The following PRKCE variants were observed in gnomAD, a reference collection of about 807,000 sequenced individuals.
The protein encoded by PRKCE is protein kinase C epsilon type.
PRKCE carries 16 observed loss-of-function variants against 85.4 expected under a neutral mutation model. The observed-to-expected ratio is 0.19, with a 90% CI of 0.13 to 0.28. PRKCE has a LOEUF of 0.28. Ranked by LOEUF, PRKCE falls within the 10% of genes least tolerant of loss-of-function variation. The pLI is 1.00. For synonymous variants in PRKCE, 388 were observed against 371.5 expected (o/e 1.04, Z -0.51); for missense variants, 573 against 975.2 (o/e 0.59, Z 5.49).
At chr2:45,861,305 T>C (rs554936824) in intron 2 of PRKCE, among the ~76,000 whole-genome samples, 1 of 152,224 alleles carries the variant, frequency 6.6e-6, no homozygotes, top group South Asian at 2.1e-4. Context: ...TGCATGGTGA[T>C]TTTTCATGCA....
chr2:45,815,527 C>T (rs914029761), intron 1 of PRKCE, among the ~76,000 whole-genome samples: 7 of 152,166 alleles, frequency 4.6e-5, no homozygotes, highest in African/African-American at 1.7e-4. Context: ...CTTCCTCGGT[C>T]CCCTCCATTA....
In PRKCE at chr2:45,905,345, A is replaced by T. The variant is rs1696893798; in HGVS notation, c.412+62282A>T. Among the ~76,000 whole-genome samples, 1 of 152,260 alleles carries T rather than the reference A, an allele frequency of 6.6e-6. No individual in the cohort carries two copies. Among genetic ancestry groups the T allele is most frequent in the Non-Finnish European group, 1.5e-5 (1 of 68,048 alleles). On this transcript the variant is annotated intron_variant, in intron 2 of 14. Coordinates refer to ENST00000306156, the MANE Select transcript of PRKCE (RefSeq NM_005400.3). This position sits in a 1 kb window ranked among gnomAD's most constrained non-coding sequence, Gnocchi z 4.4. ...GTCAAGGTGAACCCTGAATGAGTCCATTAGATTCCACAATCAATATCCAGC... is the reference window on the plus strand; with the variant it reads ...GTCAAGGTGAACCCTGAATGAGTCCTTTAGATTCCACAATCAATATCCAGC...
chr2:45,785,598 T>A (rs989706102), intron 1 of PRKCE, among the ~76,000 whole-genome samples: 1 of 152,152 alleles, frequency 6.6e-6, no homozygotes, highest in African/African-American at 2.4e-5. Flanking sequence ...GAAGGGGAGC[T>A]ACTACTTCAG....
At chr2:45,804,945 CT>C (rs5830871) in intron 1 of PRKCE, among the ~76,000 whole-genome samples, 4,491 of 133,470 alleles carry the variant, frequency 0.034, 113 homozygotes, top group East Asian at 0.1. Context: ...AACTCATCAA[CT>C]TTTTTTTTTT....
intron 1 of PRKCE, among the ~76,000 whole-genome samples, chr2:45,693,974 C>A (rs1677944651): frequency 1.3e-5 from 2 of 151,862 alleles, no homozygotes; most frequent in Admixed American, 1.3e-4. Flanking sequence ...AGAAGTCCGA[C>A]TCGTGTGGAA....
chr2:46,130,776 A>T (rs1430820467), intron 11 of PRKCE, among the ~76,000 whole-genome samples: 1 of 152,198 alleles, frequency 6.6e-6, no homozygotes, highest in Non-Finnish European at 1.5e-5. Context: ...ACACATTAAG[A>T]TATGTCCTGT....
At chr2:45,880,872 G>T (rs1246953355) in intron 2 of PRKCE, among the ~76,000 whole-genome samples, 1 of 152,142 alleles carries the variant, frequency 6.6e-6, no homozygotes, top group Non-Finnish European at 1.5e-5. Flanking sequence ...TCAGGGTGTA[G>T]GCCGGGCGCG....
intron 1 of PRKCE, among the ~76,000 whole-genome samples, chr2:45,691,537 C>T (rs536885556): frequency 1.5e-4 from 23 of 152,278 alleles, no homozygotes; most frequent in African/African-American, 5.3e-4. Flanking sequence ...AGTGTTCTTC[C>T]CAGTCCATTC....
intron 10 of PRKCE, among the ~76,000 whole-genome samples, chr2:46,047,765 T>C (rs2105043352): frequency 6.6e-6 from 1 of 152,332 alleles, no homozygotes; most frequent in South Asian, 2.1e-4. Flanking sequence ...CAAAAGTGAA[T>C]ACTTGGAAAA....
At chr2:45,677,708 A>C (rs115972080) in intron 1 of PRKCE, 4,465 of 201,944 alleles carry the variant, frequency 0.022, 71 homozygotes, top group Non-Finnish European at 0.032. Context: ...TTAGAACATT[A>C]GGAAACTGCT....
intron 1 of PRKCE, among the ~76,000 whole-genome samples, chr2:45,818,268 A>G (rs1689245243): frequency 1.3e-5 from 2 of 152,214 alleles, no homozygotes; most frequent in African/African-American, 4.8e-5. Context: ...GAAGATGTAA[A>G]CAAAAAATCA....
intron 1 of PRKCE, among the ~76,000 whole-genome samples, chr2:45,702,935 C>T (rs565293240): frequency 2.0e-5 from 3 of 152,054 alleles, no homozygotes; most frequent in Non-Finnish European, 4.4e-5. Flanking sequence ...CTTAGTGTTC[C>T]GGAGATCAGC....
At chr2:45,816,056 C>T (rs1290865310) in intron 1 of PRKCE, among the ~76,000 whole-genome samples, 1 of 152,218 alleles carries the variant, frequency 6.6e-6, no homozygotes, top group Admixed American at 6.5e-5. Flanking sequence ...ACCATTTTCT[C>T]TTGGCCTGTA....
chr2:45,747,026 C>T (rs1683193878), intron 1 of PRKCE, among the ~76,000 whole-genome samples: 1 of 152,220 alleles, frequency 6.6e-6, no homozygotes, highest in South Asian at 2.1e-4. Context: ...TCTCTGATTG[C>T]TCCACTACTG....
chr2:46,010,728 A>G, intron 10 of PRKCE: 1 of 1,598,466 alleles, frequency 6.3e-7, no homozygotes, highest in Non-Finnish European at 8.5e-7. Context: ...AAGGGATGAG[A>G]GAGCTGTAGA....
chr2:45,721,709 C>A (rs371574356), intron 1 of PRKCE, among the ~76,000 whole-genome samples: 1 of 152,030 alleles, frequency 6.6e-6, no homozygotes, highest in African/African-American at 2.4e-5. Context: ...AACCCCATCT[C>A]CACAAAAAAA....
chr2:45,981,038 T>G (rs1702851379), intron 5 of PRKCE, among the ~76,000 whole-genome samples: 1 of 152,224 alleles, frequency 6.6e-6, no homozygotes, highest in South Asian at 2.1e-4. Flanking sequence ...TTCTAAAGCC[T>G]GAGCCCTTGA....
At chr2:45,976,872 TG>T (rs1702494284) in intron 3 of PRKCE, among the ~76,000 whole-genome samples, 1 of 144,448 alleles carries the variant, frequency 6.9e-6, no homozygotes, top group Non-Finnish European at 1.5e-5. Context: ...TGTGTGTGTG[TG>T]TGTGTGTGTG....
chr2:46,024,115 C>T (rs557732594), intron 10 of PRKCE, among the ~76,000 whole-genome samples: 105 of 152,210 alleles, frequency 6.9e-4, no homozygotes, highest in African/African-American at 2.5e-3. Flanking sequence ...ATTGATAAAC[C>T]AAGGTCCCAA....
Sources: gnomAD v4.1 joint callset for allele counts (sites outside exome capture counted in the v4.1 genomes callset) on GRCh38, gnomAD v4.1.1 for gene constraint, Gnocchi (gnomAD v3.1) non-coding constraint, MANE v1.5 for transcripts, NCBI Gene and HGNC (gene_info 2026-07-23, HGNC 2026-07-21) for gene names.